The following HDAC9 variants were observed in gnomAD, a reference collection of about 807,000 sequenced individuals.
HDAC9 encodes MEF-2 interacting transcription repressor (MITR) protein.
A neutral mutation model predicts 139.4 loss-of-function variants in HDAC9; 41 were observed. The observed-to-expected ratio is 0.29, with a 90% CI of 0.23 to 0.38. The LOEUF (loss-of-function observed/expected upper bound fraction) is 0.38, where lower values mean the gene tolerates loss of function less well. HDAC9 is among the 10% of genes least tolerant of loss of function. HDAC9 has a pLI of 1.00. For missense variants in HDAC9, 1,147 were observed against 1,297.0 expected, an observed-to-expected ratio of 0.88 and a Z score of 1.78; for synonymous variants, 517 against 476.2, an observed-to-expected ratio of 1.09 and a Z score of -1.12.
At chr7:18,789,277 C>G (rs1408061083) in intron 16 of HDAC9, among the ~76,000 whole-genome samples, 2 of 120,352 alleles carry the variant, frequency 1.7e-5, no homozygotes, top group Non-Finnish European at 3.7e-5. Context: ...CACACGCAGA[C>G]ACATACACGC....
chr7:18,766,957 T>C (rs573491681), intron 15 of HDAC9, 149 bp from the exon 16 acceptor site: 1 of 451,890 alleles, frequency 2.2e-6, no homozygotes, highest in South Asian at 5.7e-5. Context: ...AAAATTGTGT[T>C]GAATAATTGG....
chr7:18,301,379 T>A (rs964444057), intron 1 of HDAC9, among the ~76,000 whole-genome samples: 2 of 152,120 alleles, frequency 1.3e-5, no homozygotes, highest in African/African-American at 4.8e-5. Flanking sequence ...TGTTGTCGTG[T>A]TTTTTAACCT....
chr7:18,522,740 G>C (rs1218244439), intron 2 of HDAC9, among the ~76,000 whole-genome samples: 1 of 152,066 alleles, frequency 6.6e-6, no homozygotes, highest in Admixed American at 6.6e-5. Flanking sequence ...TATGTCTTAA[G>C]AAGGATTAAT....
chr7:18,983,820 A>T (rs535469130), intron 25 of HDAC9, among the ~76,000 whole-genome samples: 1 of 152,100 alleles, frequency 6.6e-6, no homozygotes, highest in African/African-American at 2.4e-5. Context: ...TTGTGGATTC[A>T]GTTTTCCTCC....
At chr7:18,180,506 G>T (rs1385788830) in intron 2 of HDAC9, among the ~76,000 whole-genome samples, 1 of 151,914 alleles carries the variant, frequency 6.6e-6, no homozygotes, top group Non-Finnish European at 1.5e-5. Flanking sequence ...CATATGAGAG[G>T]TTGTATTTGG....
chr7:18,155,793 A>G (rs1306730961), intron 1 of HDAC9, among the ~76,000 whole-genome samples: 2 of 152,168 alleles, frequency 1.3e-5, no homozygotes, highest in Non-Finnish European at 2.9e-5. Flanking sequence ...TGAAACCAAT[A>G]GTCTTGCATA....
intron 1 of HDAC9, among the ~76,000 whole-genome samples, chr7:18,481,452 G>A (rs2128127845): frequency 1.3e-5 from 2 of 152,120 alleles, no homozygotes; most frequent in Middle Eastern, 6.8e-3. Flanking sequence ...TATTACTTTT[G>A]GGTTACTCAA....
At chr7:18,784,235 C>G (rs1010454559) in intron 16 of HDAC9, among the ~76,000 whole-genome samples, 4 of 151,928 alleles carry the variant, frequency 2.6e-5, no homozygotes, top group Admixed American at 6.6e-5. Context: ...ATCCTCTCCT[C>G]TCCTCTCCTT....
At chr7:18,196,073 A>G (rs1584575474) in intron 2 of HDAC9, among the ~76,000 whole-genome samples, 1 of 152,230 alleles carries the variant, frequency 6.6e-6, no homozygotes, top group South Asian at 2.1e-4. Context: ...AATTATTTGA[A>G]TATTTATCCA....
At chr7:18,813,869 C>T (rs898868756) in intron 17 of HDAC9, among the ~76,000 whole-genome samples, 1 of 152,182 alleles carries the variant, frequency 6.6e-6, no homozygotes, top group African/African-American at 2.4e-5. Context: ...GGTACCAAGA[C>T]CTGTCAGCTA....
At chr7:18,241,136 G>A (rs74870830) in intron 2 of HDAC9, among the ~76,000 whole-genome samples, 2,215 of 152,206 alleles carry the variant, frequency 0.015, 58 homozygotes, top group African/African-American at 0.05. Context: ...TAAAATTTGG[G>A]TAACTTCAAA....
chr7:18,265,811 T>A (rs894169009), intron 2 of HDAC9, among the ~76,000 whole-genome samples: 7 of 152,158 alleles, frequency 4.6e-5, no homozygotes, highest in Non-Finnish European at 8.8e-5. Context: ...TCTGTAGCAA[T>A]ATGTGTTTCA....
intron 2 of HDAC9, among the ~76,000 whole-genome samples, chr7:18,516,108 A>G (rs1468106214): frequency 6.6e-6 from 1 of 152,206 alleles, no homozygotes; most frequent in Non-Finnish European, 1.5e-5. Context: ...TTCTTCAGAC[A>G]AAAATGGCTT....
At chr7:18,468,599 T>C (rs752308800) in intron 1 of HDAC9, among the ~76,000 whole-genome samples, 5 of 152,108 alleles carry the variant, frequency 3.3e-5, no homozygotes, top group Non-Finnish European at 5.9e-5. Flanking sequence ...ACGTGTCTCT[T>C]GGCCCAGCTT....
At chr7:18,691,355 T>C (rs986481723) in intron 12 of HDAC9, among the ~76,000 whole-genome samples, 2 of 152,084 alleles carry the variant, frequency 1.3e-5, no homozygotes, top group Non-Finnish European at 2.9e-5. Context: ...ACCAAAACTT[T>C]TCTGAGAGGT....
intron 1 of HDAC9, among the ~76,000 whole-genome samples, chr7:18,129,627 T>G (rs1274303924): frequency 2.6e-5 from 4 of 152,202 alleles, no homozygotes; most frequent in Admixed American, 2.0e-4. Flanking sequence ...TTTTTGCATA[T>G]TCAATTATCT....
intron 1 of HDAC9, among the ~76,000 whole-genome samples, chr7:18,157,994 T>C (rs1464915411): frequency 6.6e-6 from 1 of 152,186 alleles, no homozygotes; most frequent in Non-Finnish European, 1.5e-5. Flanking sequence ...TGTCTCAATT[T>C]GAGAAGAGAA....
At chr7:18,493,606 C>CA (rs895766328), upstream of HDAC9, among the ~76,000 whole-genome samples, 7 of 151,160 alleles carry the variant, frequency 4.6e-5, no homozygotes, top group Admixed American at 2.0e-4. Context: ...GATCTCACCA[C>CA]AAAAAAAATG....
intron 11 of HDAC9, among the ~76,000 whole-genome samples, chr7:18,651,044 A>G (rs904857423): frequency 2.6e-5 from 4 of 152,176 alleles, no homozygotes; most frequent in South Asian, 2.1e-4. Context: ...CTATCCTGAA[A>G]TATTCACAAT....
Sources: gnomAD v4.1 joint callset for allele counts (sites outside exome capture counted in the v4.1 genomes callset) on GRCh38, gnomAD v4.1.1 for gene constraint, MANE v1.5 for transcripts, NCBI Gene and HGNC (gene_info 2026-07-23, HGNC 2026-07-21) for gene names.